The following CDC42BPA variants were observed in gnomAD, a reference collection of about 807,000 sequenced individuals.
CDC42BPA encodes serine/threonine-protein kinase MRCK alpha.
Under a neutral mutation model 223.5 loss-of-function variants are expected in CDC42BPA, and 80 were observed. The observed-to-expected ratio is 0.36, with a 90% CI of 0.30 to 0.43. The LOEUF (loss-of-function observed/expected upper bound fraction) is 0.43, where lower values mean the gene tolerates loss of function less well. CDC42BPA is among the 20% of genes least tolerant of loss of function. The pLI is 1.00. For synonymous variants in CDC42BPA, 694 were observed against 718.6 expected, an observed-to-expected ratio of 0.97 and a Z score of 0.55; for missense variants, 1,743 against 2,099.9, an observed-to-expected ratio of 0.83 and a Z score of 3.32.
intron 1 of CDC42BPA, among the ~76,000 whole-genome samples, chr1:227,277,534 C>T (rs949531302): frequency 1.3e-5 from 2 of 152,092 alleles, no homozygotes; most frequent in Admixed American, 1.3e-4. Context: ...TCCAGAAATA[C>T]GTTATCCATC....
chr1:227,019,619 G>C (rs1009941849), intron 32 of CDC42BPA, among the ~76,000 whole-genome samples: 1 of 152,172 alleles, frequency 6.6e-6, no homozygotes, highest in Admixed American at 6.5e-5. Flanking sequence ...GATCAGACTT[G>C]AAAGTCAAAA....
chr1:227,145,975 TG>T lies in CDC42BPA; in HGVS notation c.895-239del, dbSNP rs1163607690. On this transcript the variant is annotated intron_variant, in intron 7 of 36. Transcript: ENST00000366766. ...ATGCGCTATAGAAAGAAGAATACAT[TG>T]TACCTTAGATATCTTAAACTGCTAT... Among the ~76,000 whole-genome samples the T allele has an allele frequency of 4.6e-5, 7 of 152,266 alleles. No individual in the cohort carries two copies. The East Asian group carries it at 1.4e-3, about 29-fold the overall frequency.
chr1:227,241,784 G>T (rs1680064294), intron 2 of CDC42BPA, among the ~76,000 whole-genome samples: 1 of 152,050 alleles, frequency 6.6e-6, no homozygotes, highest in Admixed American at 6.5e-5. Flanking sequence ...TACAATTAGG[G>T]TATTTCAATG....
At chr1:227,303,947 AGT>A (rs1692111447) in intron 1 of CDC42BPA, among the ~76,000 whole-genome samples, 1 of 152,238 alleles carries the variant, frequency 6.6e-6, no homozygotes, top group South Asian at 2.1e-4. Context: ...TTAAATGCAG[AGT>A]TAATCTAAGA....
At chr1:227,083,889 C>A (rs1681248689) in intron 16 of CDC42BPA, among the ~76,000 whole-genome samples, 1 of 152,142 alleles carries the variant, frequency 6.6e-6, no homozygotes, top group African/African-American at 2.4e-5. Flanking sequence ...ATAGGCAATG[C>A]ACTTCCATTT....
chr1:227,272,079 C>T (rs1686053708), intron 1 of CDC42BPA, among the ~76,000 whole-genome samples: 1 of 152,072 alleles, frequency 6.6e-6, no homozygotes, highest in Admixed American at 6.5e-5. Flanking sequence ...AGTTTGGCCA[C>T]TTTGTTTATC....
At chr1:227,093,419 T>A (rs1683437579) in intron 15 of CDC42BPA, among the ~76,000 whole-genome samples, 1 of 152,160 alleles carries the variant, frequency 6.6e-6, no homozygotes, top group Non-Finnish European at 1.5e-5. Flanking sequence ...TTATGAGAAA[T>A]GCGAGCCCCT....
intron 24 of CDC42BPA, among the ~76,000 whole-genome samples, chr1:227,037,137 T>A (rs1349296057): frequency 6.6e-6 from 1 of 152,240 alleles, no homozygotes; most frequent in Non-Finnish European, 1.5e-5. Flanking sequence ...TTCTTTCTGA[T>A]AAACAAATTT....
chr1:227,017,870 C>T (rs1666598294), intron 32 of CDC42BPA, among the ~76,000 whole-genome samples: 3 of 151,910 alleles, frequency 2.0e-5, no homozygotes, highest in Non-Finnish European at 4.4e-5. Flanking sequence ...TAGAAATTTT[C>T]AACACCCAAA....
intron 5 of CDC42BPA, among the ~76,000 whole-genome samples, chr1:227,179,082 C>T (rs777289966): frequency 6.6e-6 from 1 of 152,032 alleles, no homozygotes; most frequent in Non-Finnish European, 1.5e-5. Context: ...CTCAGAAAAC[C>T]GCGTGTTATA....
chr1:227,019,540 T>C (rs1180315382), intron 32 of CDC42BPA, among the ~76,000 whole-genome samples: 28 of 152,232 alleles, frequency 1.8e-4, no homozygotes, highest in Admixed American at 1.8e-3. Context: ...TTCAATCTAT[T>C]TTGCCCAGAT....
At chr1:227,021,316 C>A (rs1465935530) in intron 32 of CDC42BPA, among the ~76,000 whole-genome samples, 1 of 151,956 alleles carries the variant, frequency 6.6e-6, no homozygotes, top group Admixed American at 6.6e-5. Context: ...AAGTGGCACA[C>A]AATAAAATGG....
chr1:227,044,814 T>C (rs1349872268), intron 23 of CDC42BPA, among the ~76,000 whole-genome samples: 3 of 152,222 alleles, frequency 2.0e-5, no homozygotes, highest in Non-Finnish European at 4.4e-5. Flanking sequence ...TAATAAGAAG[T>C]ACACTATGGT....
At chr1:227,075,333 G>A (rs767852726) in intron 17 of CDC42BPA, among the ~76,000 whole-genome samples, 3 of 152,194 alleles carry the variant, frequency 2.0e-5, no homozygotes, top group Non-Finnish European at 4.4e-5. Flanking sequence ...GCATACAGCA[G>A]ACATGTTTAA....
chr1:227,155,100 T>A (rs1276729411), intron 6 of CDC42BPA, among the ~76,000 whole-genome samples: 1 of 152,128 alleles, frequency 6.6e-6, no homozygotes, highest in Non-Finnish European at 1.5e-5. Context: ...GCTCGTAGAT[T>A]TGAGGCAGCT....
At chr1:227,117,714 GA>G (rs781028768) in intron 12 of CDC42BPA, among the ~76,000 whole-genome samples, 1 of 150,028 alleles carries the variant, frequency 6.7e-6, no homozygotes, top group Non-Finnish European at 1.5e-5. Flanking sequence ...AAAAATTTAG[GA>G]GAATTTTTTA....
chr1:227,146,176 A>G (rs907718412), intron 7 of CDC42BPA, among the ~76,000 whole-genome samples: 19 of 152,148 alleles, frequency 1.2e-4, no homozygotes, highest in Admixed American at 2.6e-4. Context: ...TTAACCCTCA[A>G]AACAGTCATT....
chr1:227,176,872 T>A (rs1438987117), intron 5 of CDC42BPA, among the ~76,000 whole-genome samples: 2 of 152,142 alleles, frequency 1.3e-5, no homozygotes, highest in Admixed American at 6.5e-5. Context: ...TTTTCTTTTC[T>A]AGGGTATTAT....
chr1:227,132,424 C>T (rs554538355), intron 10 of CDC42BPA, among the ~76,000 whole-genome samples: 1 of 149,908 alleles, frequency 6.7e-6, no homozygotes, highest in East Asian at 2.0e-4. Flanking sequence ...GAGTCTCGTT[C>T]ACTCAGTGCT....
Sources: gnomAD v4.1 joint callset for allele counts (sites outside exome capture counted in the v4.1 genomes callset) on GRCh38, gnomAD v4.1.1 for gene constraint, MANE v1.5 for transcripts, NCBI Gene and HGNC (gene_info 2026-07-23, HGNC 2026-07-21) for gene names.